Variants in ADGRG7 observed in about 807,000 individuals in gnomAD.
ADGRG7 encodes the protein G-protein coupled receptor 128.
In ADGRG7, 82 loss-of-function variants were observed where a neutral mutation model predicts 88.6. The ratio of observed to expected loss-of-function variants is 0.93; its 90% CI spans 0.77 to 1.11. ADGRG7 has a LOEUF of 1.11. Among genes scored for constraint, ADGRG7 ranks in the 50% most tolerant of loss-of-function variants. The pLI, the probability that ADGRG7 is intolerant of heterozygous loss-of-function variation, is 0.00. For synonymous variants in ADGRG7, 381 were observed against 345.2 expected, an observed-to-expected ratio of 1.10 and a Z score of -1.15; for missense variants, 945 against 953.4, an observed-to-expected ratio of 0.99 and a Z score of 0.12.
At chr3:100,690,441 G>T (rs545770625) in intron 15 of ADGRG7, among the ~76,000 whole-genome samples, 6 of 152,250 alleles carry the variant, frequency 3.9e-5, no homozygotes, top group South Asian at 4.1e-4. Flanking sequence ...GAGGAGAGGC[G>T]CTCTGATCTT....
chr3:100,629,744 G>A (rs767896394), intron 2 of ADGRG7, 33 bp downstream of exon 2: 6 of 1,375,356 alleles, frequency 4.4e-6, no homozygotes, highest in Non-Finnish European at 6.2e-6. Flanking sequence ...AAAGTGTAAG[G>A]TTTACGTCAC....
chr3:100,635,375 G>A (rs868800404), intron 4 of ADGRG7, among the ~76,000 whole-genome samples: 8 of 152,088 alleles, frequency 5.3e-5, no homozygotes, highest in East Asian at 1.9e-4. Flanking sequence ...ATCTCTCTAC[G>A]ACCTTTGTAA....
At chr3:100,647,377 G>C (rs773604723) in intron 10 of ADGRG7, among the ~76,000 whole-genome samples, 1 of 152,180 alleles carries the variant, frequency 6.6e-6, no homozygotes, top group Admixed American at 6.5e-5. Flanking sequence ...GTATAGCTGT[G>C]TGCCAGAGAC....
intron 3 of ADGRG7, 57 bp downstream of exon 3, chr3:100,630,866 C>T: frequency 3.4e-6 from 3 of 877,842 alleles, no homozygotes; most frequent in East Asian, 3.0e-5. Flanking sequence ...CTGAGTCATA[C>T]CTCTCATACC....
intron 15 of ADGRG7, among the ~76,000 whole-genome samples, chr3:100,684,099 C>G (rs571399555): frequency 6.6e-6 from 1 of 151,996 alleles, no homozygotes; most frequent in African/African-American, 2.4e-5. Flanking sequence ...AGCAGTGTAC[C>G]AACTTCTAGT....
rs2095000106 is a variant in ADGRG7 at position 100,695,052 on chromosome 3, ATC to A, written c.*53_*54del. 3 of 1,565,006 alleles carry A rather than the reference ATC, an allele frequency of 1.9e-6. No individual in the cohort carries two copies. The highest frequency in any genetic ancestry group is 2.6e-6 in the Non-Finnish European group (3 of 1,149,374). The stretch of plus-strand genomic sequence containing the variant: ...TTTTTAATCACCTCGTTTGAGTTTT[ATC>A]TGTTTCTCTCCTTTATTTCCCAGTC... On this transcript the variant is annotated 3_prime_UTR_variant, in exon 16 of 16. Transcript: ENST00000273352.
At chr3:100,644,921 G>C (rs1217375318) in intron 8 of ADGRG7, among the ~76,000 whole-genome samples, 2 of 152,116 alleles carry the variant, frequency 1.3e-5, no homozygotes, top group African/African-American at 4.8e-5. Flanking sequence ...GAAACAATTT[G>C]GTGATGTCAA....
At chr3:100,693,505 C>T (rs1179579731) in intron 15 of ADGRG7, among the ~76,000 whole-genome samples, 1 of 152,132 alleles carries the variant, frequency 6.6e-6, no homozygotes, top group Admixed American at 6.5e-5. Context: ...CTTGCCAACA[C>T]TTATTGATTT....
intron 5 of ADGRG7, 144 bp downstream of exon 5, chr3:100,635,970 A>T: frequency 3.4e-6 from 2 of 580,084 alleles, no homozygotes; most frequent in Admixed American, 3.2e-5. Flanking sequence ...CATTTTGCAT[A>T]GCACTCCTGA....
chr3:100,635,306 T>G (rs1049836861), intron 4 of ADGRG7, among the ~76,000 whole-genome samples: 1 of 152,194 alleles, frequency 6.6e-6, no homozygotes, highest in African/African-American at 2.4e-5. Context: ...AACTGTTAGA[T>G]TCAACAGCAA....
intron 11 of ADGRG7, among the ~76,000 whole-genome samples, chr3:100,651,684 A>T (rs933371927): frequency 4.4e-4 from 66 of 149,804 alleles, no homozygotes; most frequent in Admixed American, 2.5e-3. Flanking sequence ...TCTCAAACAA[A>T]TTTTTTTTTT....
At chr3:100,682,770 T>G (rs1375578052) in intron 15 of ADGRG7, among the ~76,000 whole-genome samples, 3 of 152,182 alleles carry the variant, frequency 2.0e-5, no homozygotes, top group South Asian at 4.1e-4. Flanking sequence ...CACACTCCAC[T>G]GAGCCAGCGG....
chr3:100,609,978 T>C lies in ADGRG7; in HGVS notation c.115+7T>C, dbSNP rs1707123542. ...GTGATCAGGATCCAAAGAGGTAATG[T>C]TGTCCTGCTATGTTTAACTCAGAGT... On this transcript the variant is annotated splice_region_variant and intron_variant, in intron 1 of 15. Coordinates refer to ENST00000273352, the MANE Select transcript of ADGRG7 (RefSeq NM_032787.3). The C allele has an allele frequency of 6.2e-7, 1 of 1,603,574 alleles. No homozygotes were observed. The highest frequency in any genetic ancestry group is 1.3e-5 in the African/African-American group (1 of 74,696).
intron 14 of ADGRG7, among the ~76,000 whole-genome samples, 159 bp downstream of exon 14, chr3:100,660,002 G>A (rs7650364): frequency 1.3e-5 from 2 of 152,168 alleles, no homozygotes; most frequent in Non-Finnish European, 2.9e-5. Context: ...TGACTCAGAA[G>A]GTGGATCTTC....
At chr3:100,678,156 GC>G (rs1459772427) in intron 15 of ADGRG7, among the ~76,000 whole-genome samples, 1 of 151,676 alleles carries the variant, frequency 6.6e-6, no homozygotes, top group Non-Finnish European at 1.5e-5. Flanking sequence ...TTTTCAAATA[GC>G]CTGTCTTCAA....
chr3:100,611,368 C>A (rs977527734), intron 1 of ADGRG7, among the ~76,000 whole-genome samples: 1 of 149,082 alleles, frequency 6.7e-6, no homozygotes, highest in Non-Finnish European at 1.5e-5. Flanking sequence ...TTTATGTAAG[C>A]GACATCTATT....
intron 14 of ADGRG7, chr3:100,665,346 A>G (rs2094950424): frequency 1.8e-6 from 1 of 540,710 alleles, no homozygotes; most frequent in Non-Finnish European, 3.8e-6. Context: ...CTCCTCATCC[A>G]GTACCACCAG....
intron 1 of ADGRG7, among the ~76,000 whole-genome samples, chr3:100,612,083 T>C (rs1270390148): frequency 2.0e-5 from 3 of 152,148 alleles, no homozygotes; most frequent in African/African-American, 7.2e-5. Flanking sequence ...ATAAATTAAT[T>C]TTATTGCATT....
At chr3:100,651,552 T>A (rs1202157688) in intron 11 of ADGRG7, among the ~76,000 whole-genome samples, 1 of 151,974 alleles carries the variant, frequency 6.6e-6, no homozygotes, top group Non-Finnish European at 1.5e-5. Flanking sequence ...GAAACAAAAA[T>A]AAAAATAAAC....
Sources: allele counts gnomAD v4.1 joint callset (sites outside exome capture counted in the v4.1 genomes callset), GRCh38; gene constraint gnomAD v4.1.1; transcripts MANE v1.5; gene names NCBI Gene and HGNC (gene_info 2026-07-23, HGNC 2026-07-21).